The following EFHD1 variants were observed in gnomAD, a reference collection of about 807,000 sequenced individuals.
The protein encoded by EFHD1 is EF-hand domain family member D1, also known as EF-hand domain-containing protein D1.
EFHD1 carries 10 observed loss-of-function variants against 17.2 expected under a neutral mutation model. The ratio of observed to expected loss-of-function variants is 0.58; its 90% confidence interval spans 0.36 to 0.99. The LOEUF (loss-of-function observed/expected upper bound fraction) is 0.99, where lower values mean the gene tolerates loss of function less well. EFHD1 is among the 50% of genes least tolerant of loss of function. EFHD1 has a pLI of 0.01. For synonymous variants in EFHD1, 153 were observed against 142.0 expected (o/e 1.08, Z -0.55); for missense variants, 310 against 327.5 (o/e 0.95, Z 0.41).
In EFHD1 at chr2:232,654,818, C is replaced by T. The variant is rs562036521; in HGVS notation, c.303-7984C>T. ...GCCCCTCTGTGTCTGCGGGAGGCTG[C>T]GCTAGCTCCGGCTTATGTGGGCTGG... On this transcript the variant is annotated intron_variant, in intron 1 of 3. Coordinates refer to ENST00000264059, the MANE Select transcript of EFHD1 (RefSeq NM_025202.4). 1.8e-4 allele frequency among the ~76,000 whole-genome samples: 28 copies of T among 152,264 alleles called. 1 individual carries two copies. The highest frequency in any genetic ancestry group is 5.9e-4 in the Admixed American group (9 of 15,288).
chr2:232,657,908 T>C (rs1239668378), intron 1 of EFHD1, among the ~76,000 whole-genome samples: 1 of 138,140 alleles, frequency 7.2e-6, no homozygotes, highest in Non-Finnish European at 1.6e-5. Context: ...TCTTTTTTTT[T>C]TTTTTTTTTT....
chr2:232,621,698 C>T (rs1009806747), intron 1 of EFHD1, among the ~76,000 whole-genome samples: 4 of 152,246 alleles, frequency 2.6e-5, no homozygotes, highest in African/African-American at 9.6e-5. Context: ...GTGATCCACC[C>T]GCCTTGGCCT....
chr2:232,633,833 C>T lies in EFHD1; in HGVS notation c.129C>T (p.Pro43=), dbSNP rs1420421846. ...AGCCCAAGCCCGAGCCCGAGCCTCC[C>T]GCCCGTGCGCCCACGGCCAGCGCCG... ...APEPKPEPEP[P]ARAPTASADA... The change falls in exon 1 of 4, where the codon CCC becomes CCT. Residue 43 remains proline (P), a synonymous_variant. Transcript: ENST00000264059. 4 of 1,482,190 alleles carry T rather than the reference C, an allele frequency of 2.7e-6. No individual in the cohort carries two copies. In the African/African-American group the frequency reaches 4.4e-5, roughly 16 times the overall value. 91.8% of individuals were successfully genotyped at this position (1,482,190 alleles called of 1,614,324 possible). A position where few individuals can be genotyped will look rare whatever the true frequency, so the allele number is the denominator to read the frequency against.
Position 232,620,315 on chromosome 2 carries a change from G to A in EFHD1, c.14+14142G>A, listed in dbSNP as rs567066581. 3.3e-5 allele frequency among the ~76,000 whole-genome samples: 5 copies of A among 151,496 alleles called. No homozygotes were observed. The East Asian group carries it at 7.8e-4, about 24-fold the overall frequency. On this transcript the variant is annotated intron_variant, in intron 1 of 3. Coordinates refer to the EFHD1 transcript ENST00000409613. The stretch of plus-strand genomic sequence containing the variant: ...AGGCAGGAGAATGGCGTGAACCCGG[G>A]AGGTGGAGGTTGCAGTGAGCAGAGA...
At chr2:232,626,484 G>A (rs976057136) in intron 1 of EFHD1, among the ~76,000 whole-genome samples, 1 of 152,118 alleles carries the variant, frequency 6.6e-6, no homozygotes, top group Non-Finnish European at 1.5e-5. Flanking sequence ...GGAGGTGGAG[G>A]TTGCAGTGAG....
At chr2:232,634,155 G>T in intron 1 of EFHD1, 149 bp downstream of exon 1, 1 of 1,424,144 alleles carries the variant, frequency 7.0e-7, no homozygotes. Context: ...TTGCGTGCTC[G>T]GGTCTATCTC....
intron 1 of EFHD1, among the ~76,000 whole-genome samples, chr2:232,620,312 C>T (rs973129374): frequency 3.4e-5 from 5 of 149,124 alleles, no homozygotes; most frequent in African/African-American, 5.0e-5. Flanking sequence ...GGCGTGAACC[C>T]GGGAGGTGGA....
intron 1 of EFHD1, among the ~76,000 whole-genome samples, chr2:232,654,440 A>G (rs1157229405): frequency 3.2e-5 from 1 of 31,288 alleles, no homozygotes; most frequent in East Asian, 3.9e-4. Flanking sequence ...TTTTTTTTTG[A>G]GACAGAGTCT....
At chr2:232,629,132 T>TC (rs1334940716), upstream of EFHD1, among the ~76,000 whole-genome samples, 1 of 152,200 alleles carries the variant, frequency 6.6e-6, no homozygotes, top group Non-Finnish European at 1.5e-5. Flanking sequence ...AGCAGAGATT[T>TC]CCCCACAAAA....
chr2:232,681,048 C>T (rs1411924897), intron 3 of EFHD1, among the ~76,000 whole-genome samples: 2 of 151,642 alleles, frequency 1.3e-5, no homozygotes, highest in Non-Finnish European at 2.9e-5. Context: ...CCCAGCTACT[C>T]GGGAGGCTGA....
At chr2:232,657,825 A>AT in intron 1 of EFHD1, among the ~76,000 whole-genome samples, 1 of 150,368 alleles carries the variant, frequency 6.7e-6, no homozygotes, top group Non-Finnish European at 1.5e-5. Flanking sequence ...AAAAAAAAAA[A>AT]GAATACTAGT....
chr2:232,675,296 A>G (rs1459376287), intron 3 of EFHD1, among the ~76,000 whole-genome samples: 1 of 152,100 alleles, frequency 6.6e-6, no homozygotes, highest in African/African-American at 2.4e-5. Flanking sequence ...TGATCAGGAA[A>G]CTGGGCCAGC....
intron 1 of EFHD1, among the ~76,000 whole-genome samples, chr2:232,634,410 C>T (rs1694276393): frequency 6.6e-6 from 1 of 152,260 alleles, no homozygotes; most frequent in Non-Finnish European, 1.5e-5. Flanking sequence ...AAATTAGCCC[C>T]TGTTGGCCTT....
intron 1 of EFHD1, among the ~76,000 whole-genome samples, chr2:232,615,334 T>TGAGTGTGTGTGTGTGTGTGTGA (rs71056282): frequency 6.7e-6 from 1 of 149,366 alleles, no homozygotes; most frequent in Admixed American, 6.9e-5. Context: ...TGTGTGTGTG[T>TGAGTGTGTGTGTGTGTGTGTGA]GTGTGTGTGT....
intron 1 of EFHD1, among the ~76,000 whole-genome samples, chr2:232,613,899 CAT>C (rs1693864275): frequency 6.6e-6 from 1 of 151,254 alleles, no homozygotes; most frequent in Non-Finnish European, 1.5e-5. Context: ...CACACAAACA[CAT>C]ACAAATATAC....
chr2:232,679,888 G>C (rs1695245407), intron 3 of EFHD1, among the ~76,000 whole-genome samples: 1 of 152,166 alleles, frequency 6.6e-6, no homozygotes, highest in Admixed American at 6.6e-5. Context: ...ACCTTGGCAA[G>C]GTTGTGGGGA....
chr2:232,648,506 G>A lies in EFHD1; in HGVS notation c.303-14296G>A, dbSNP rs554400320. Among the ~76,000 whole-genome samples the A allele has an allele frequency of 4.6e-5, 7 of 152,256 alleles. No individual in the cohort carries two copies. In the East Asian group the frequency reaches 9.7e-4, roughly 21 times the overall value. On this transcript the variant is annotated intron_variant, in intron 1 of 3. Transcript: ENST00000264059. ...AGAAACTCAGAGAACCTTGCAGGCA[G>A]GGATGTAGGGAGAGGGACTACAGTC...
At chr2:232,669,439 C>T (rs553823202) in intron 2 of EFHD1, among the ~76,000 whole-genome samples, 1 of 152,042 alleles carries the variant, frequency 6.6e-6, no homozygotes, top group Admixed American at 6.6e-5. Context: ...CAAGGCATTT[C>T]GGGGATGCGG....
At chr2:232,626,194 A>G (rs923532132) in intron 1 of EFHD1, among the ~76,000 whole-genome samples, 10 of 152,080 alleles carry the variant, frequency 6.6e-5, no homozygotes, top group Non-Finnish European at 1.2e-4. Flanking sequence ...CTTGTGTCCA[A>G]AAAAAGAAAA....
Sources: gnomAD v4.1 joint callset for allele counts (sites outside exome capture counted in the v4.1 genomes callset) on GRCh38, gnomAD v4.1.1 for gene constraint, MANE v1.5 for transcripts, NCBI Gene and HGNC (gene_info 2026-07-23, HGNC 2026-07-21) for gene names.